Variants in ITGA9 observed in about 807,000 individuals in gnomAD.
The protein encoded by ITGA9 is integrin subunit alpha 9.
Under a neutral mutation model 127.8 loss-of-function variants are expected in ITGA9, and 56 were observed. That is an observed-to-expected ratio of 0.44 (90% CI 0.35 to 0.55). The LOEUF is 0.55. Among genes scored for constraint, ITGA9 ranks in the 20% least tolerant of loss-of-function variants. The pLI, the probability that ITGA9 is intolerant of heterozygous loss-of-function variation, is 0.00. For synonymous variants in ITGA9, 508 were observed against 514.5 expected, an observed-to-expected ratio of 0.99 and a Z score of 0.17; for missense variants, 1,196 against 1,347.1, an observed-to-expected ratio of 0.89 and a Z score of 1.76.
At chr3:37,508,148 T>C (rs1698864642) in intron 7 of ITGA9, among the ~76,000 whole-genome samples, 1 of 152,248 alleles carries the variant, frequency 6.6e-6, no homozygotes, top group East Asian at 1.9e-4. Context: ...CTTTATCTTC[T>C]GTTGTAATGC....
At chr3:37,706,129 G>A (rs939703928) in intron 18 of ITGA9, among the ~76,000 whole-genome samples, 11 of 152,178 alleles carry the variant, frequency 7.2e-5, no homozygotes, top group Non-Finnish European at 1.5e-4. Context: ...GAGGACCCAG[G>A]CAAGTTCATT....
intron 14 of ITGA9, among the ~76,000 whole-genome samples, chr3:37,537,010 G>A (rs59091929): frequency 7.5e-4 from 114 of 152,330 alleles, no homozygotes; most frequent in African/African-American, 2.6e-3. Flanking sequence ...CTGAAGGTGG[G>A]ACCCACATCT....
intron 23 of ITGA9, 67 bp downstream of exon 23, chr3:37,750,636 C>T: frequency 4.6e-6 from 5 of 1,091,836 alleles, no homozygotes; most frequent in Non-Finnish European, 7.1e-6. Flanking sequence ...TTTTGTATTC[C>T]ACCCTACCCT....
At chr3:37,671,180 C>G (rs1700634392) in intron 17 of ITGA9, among the ~76,000 whole-genome samples, 1 of 152,228 alleles carries the variant, frequency 6.6e-6, no homozygotes, top group African/African-American at 2.4e-5. Flanking sequence ...CCAGTTGTTA[C>G]AGTGAGTGAA....
intron 16 of ITGA9, among the ~76,000 whole-genome samples, chr3:37,630,825 G>A (rs908065721): frequency 1.3e-5 from 2 of 152,210 alleles, no homozygotes; most frequent in East Asian, 1.9e-4. Context: ...CTTGGAACAG[G>A]CCCTGGGGGA....
rs563338110 is a variant in ITGA9, at chr3:37,527,708, C to T, written c.1373+1637C>T. 4.6e-5 allele frequency among the ~76,000 whole-genome samples: 7 copies of T among 152,254 alleles called. No homozygotes were observed. In the South Asian group the frequency reaches 1.4e-3, roughly 32 times the overall value. ...TTGCTCTCTTCATTATCCTGAGCAT[C>T]TTACTTTGGTTTGTCAGGATTCTTC... On this transcript the variant is annotated intron_variant, in intron 13 of 27. Transcript: ENST00000264741.
chr3:37,733,704 C>A (rs1240062615), intron 19 of ITGA9, among the ~76,000 whole-genome samples: 1 of 151,912 alleles, frequency 6.6e-6, no homozygotes, highest in Non-Finnish European at 1.5e-5. Context: ...ATCACTTGAA[C>A]CCATAAGCCC....
At chr3:37,758,977 A>G (rs959299553) in intron 23 of ITGA9, among the ~76,000 whole-genome samples, 11 of 151,948 alleles carry the variant, frequency 7.2e-5, no homozygotes, top group Non-Finnish European at 1.3e-4. Flanking sequence ...CTGACCAGTC[A>G]CTGGCTGATC....
At chr3:37,717,650 C>T (rs1468154486) in intron 18 of ITGA9, among the ~76,000 whole-genome samples, 1 of 152,148 alleles carries the variant, frequency 6.6e-6, no homozygotes, top group Non-Finnish European at 1.5e-5. Context: ...CTCACTATCA[C>T]AAGAACAATA....
At chr3:37,456,045 C>T (rs1201594920) in intron 1 of ITGA9, among the ~76,000 whole-genome samples, 1 of 152,126 alleles carries the variant, frequency 6.6e-6, no homozygotes, top group Non-Finnish European at 1.5e-5. Flanking sequence ...TCTTGCTTTT[C>T]CCAGCCCTGG....
intron 15 of ITGA9, among the ~76,000 whole-genome samples, chr3:37,567,327 A>G (rs999805476): frequency 2.6e-5 from 4 of 152,320 alleles, no homozygotes; most frequent in Non-Finnish European, 2.9e-5. Flanking sequence ...CCATGATTCA[A>G]CTACCTCCCA....
At chr3:37,750,094 G>A (rs1324905147) in intron 22 of ITGA9, among the ~76,000 whole-genome samples, 1 of 151,170 alleles carries the variant, frequency 6.6e-6, no homozygotes, top group Non-Finnish European at 1.5e-5. Context: ...TGGTTCTGAT[G>A]TTTTGCTGAA....
intron 5 of ITGA9, among the ~76,000 whole-genome samples, chr3:37,497,846 G>A (rs950209335): frequency 6.6e-6 from 1 of 152,220 alleles, no homozygotes; most frequent in South Asian, 2.1e-4. Context: ...CTGGCAGATG[G>A]CAGTGTTGAA....
At chr3:37,572,729 G>A (rs962783104) in intron 15 of ITGA9, among the ~76,000 whole-genome samples, 6 of 152,266 alleles carry the variant, frequency 3.9e-5, no homozygotes, top group South Asian at 2.1e-4. Context: ...ACCTACTCAA[G>A]GTTATGTTTT....
chr3:37,773,376 T>G (rs544219114), intron 23 of ITGA9, among the ~76,000 whole-genome samples: 9 of 152,346 alleles, frequency 5.9e-5, no homozygotes, highest in Admixed American at 2.0e-4. Context: ...TGTCAGCAGA[T>G]GTCCACTCCA....
intron 16 of ITGA9, among the ~76,000 whole-genome samples, chr3:37,635,798 C>A (rs1356149526): frequency 7.6e-6 from 1 of 132,422 alleles, no homozygotes; most frequent in South Asian, 2.6e-4. Context: ...ACCCCACAAC[C>A]GTCCCCGGTG....
At chr3:37,609,674 A>G (rs973175480) in intron 15 of ITGA9, among the ~76,000 whole-genome samples, 4 of 152,204 alleles carry the variant, frequency 2.6e-5, no homozygotes, top group African/African-American at 9.6e-5. Context: ...TGGGCAAGGA[A>G]TTCGGGACAG....
At chr3:37,529,690 C>T (rs551733077) in intron 13 of ITGA9, among the ~76,000 whole-genome samples, 13 of 152,244 alleles carry the variant, frequency 8.5e-5, no homozygotes, top group Non-Finnish European at 1.8e-4. Context: ...CAGCTTCACC[C>T]TCATCTATGT....
At chr3:37,474,793 G>A (rs1698475377) in intron 3 of ITGA9, among the ~76,000 whole-genome samples, 1 of 152,226 alleles carries the variant, frequency 6.6e-6, no homozygotes, top group African/African-American at 2.4e-5. Flanking sequence ...AAAGCTGAGG[G>A]TTTCGTGTGT....
Sources: gnomAD v4.1 joint callset for allele counts (sites outside exome capture counted in the v4.1 genomes callset) on GRCh38, gnomAD v4.1.1 for gene constraint, MANE v1.5 for transcripts, NCBI Gene and HGNC (gene_info 2026-07-23, HGNC 2026-07-21) for gene names.